Variants in LCE4A observed in about 807,000 individuals in gnomAD.
The protein encoded by LCE4A is late cornified envelope protein 4A.
For synonymous variants in LCE4A, 41 were observed against 42.3 expected, an observed-to-expected ratio of 0.97 and a Z score of 0.12; for missense variants, 110 against 111.3, an observed-to-expected ratio of 0.99 and a Z score of 0.05.
intron 1 of LCE4A, 22 bp downstream of exon 1, chr1:152,708,416 C>T (rs1251608150): frequency 6.6e-6 from 1 of 152,374 alleles, no homozygotes; most frequent in Non-Finnish European, 1.5e-5. Context: ...TATAGGAATC[C>T]AGAGGGGGAC....
chr1:152,708,938 A>G, intron 1 of LCE4A, 117 bp from the exon 2 acceptor site: 1 of 655,136 alleles, frequency 1.5e-6, no homozygotes, highest in Non-Finnish European at 2.7e-6. Flanking sequence ...AGGTTTCTAT[A>G]CATGTCCATA....
chr1:152,708,243 C>G lies in LCE4A; in HGVS notation c.-173C>G, dbSNP rs971561683. 4.6e-5 allele frequency: 7 copies of G among 152,436 alleles called. No individual in the cohort carries two copies. In the South Asian group the frequency reaches 1.4e-3, roughly 32 times the overall value. 9.4% of individuals were successfully genotyped at this position (152,436 alleles called of 1,614,324 possible). A position where few individuals can be genotyped will look rare whatever the true frequency, so the allele number is the denominator to read the frequency against. Reference sequence around the variant, plus strand: ...GGCAGGAGAATGTCAGGCATGACCCCACACTTGTGCAACAGCCACGTCCTG... The same window carrying G: ...GGCAGGAGAATGTCAGGCATGACCCGACACTTGTGCAACAGCCACGTCCTG... On this transcript the variant is annotated 5_prime_UTR_variant, in exon 1 of 2. Coordinates refer to ENST00000368777, the MANE Select transcript of LCE4A (RefSeq NM_001387222.1).
In LCE4A at chr1:152,708,998, A is replaced by T. The variant is rs1406003838; in HGVS notation, c.-21-57A>T. 5.1e-6 allele frequency: 6 copies of T among 1,183,284 alleles called. No individual in the cohort carries two copies. The African/African-American group carries it at 7.7e-5, about 15-fold the overall frequency. The allele number at this position is 1,183,284 out of a possible 1,614,324, so 73.3% of individuals were successfully genotyped here. ...TTGGGGGAGGATTTTAAAATAAAAA[A>T]AAATGTAATGGCTCTTGATATTAAG... On this transcript the variant is annotated intron_variant, in intron 1 of 1. Transcript: ENST00000368777.
At position 152,709,064 on chromosome 1, in the gene LCE4A, A is replaced by C; in HGVS notation, c.-12A>C. 1.2e-6 allele frequency: 2 copies of C among 1,608,028 alleles called. No individual in the cohort carries two copies. The highest frequency in any genetic ancestry group is 1.7e-6 in the Non-Finnish European group (2 of 1,176,300). ...CTATTTTGTCATTCAGGTTTATCGA[A>C]ATCCCACCAAGATGTCCTGCCAGCA... On this transcript the variant is annotated 5_prime_UTR_variant, in exon 2 of 2. Transcript: ENST00000368777.
In LCE4A at chr1:152,709,213, G is replaced by GGGCTGCTGTAGCTCTGGT. The variant is rs1553195948; in HGVS notation, c.143_144insCTGTAGCTCTGGTGGCTG (p.Cys48_Gly49insCysSerSerGlyGlyCys). On this transcript the variant is annotated inframe_insertion, in exon 2 of 2. Coordinates refer to ENST00000368777, the MANE Select transcript of LCE4A (RefSeq NM_001387222.1). Reference sequence around the variant, plus strand: ...CTTCCTGCTGTGGCTCCAGCTCTGGGGGCTGTGGTTGCTGCAGCTCTGAGG... The same window carrying GGGCTGCTGTAGCTCTGGT: ...CTTCCTGCTGTGGCTCCAGCTCTGGGGGCTGCTGTAGCTCTGGTGGCTGTGGTTGCTGCAGCTCTGAGG... 1 of 1,612,934 alleles carries GGGCTGCTGTAGCTCTGGT rather than the reference G, an allele frequency of 6.2e-7. No individual in the cohort carries two copies.
rs746801973 is a variant in LCE4A, at chr1:152,709,327, C to T, written c.252C>T (p.Gly84=). 6.9e-6 allele frequency: 11 copies of T among 1,605,466 alleles called. No homozygotes were observed. In the East Asian group the frequency reaches 1.1e-4, roughly 16 times the overall value. The part of the protein sequence containing the change: ...KSSNCYGSGS[G]QQSGGSGCCS... ...CCAATTGCTATGGCAGTGGCAGTGG[C>T]CAGCAGTCTGGGGGTTCTGGCTGCT... The change falls in exon 2 of 2, where the codon GGC becomes GGT. Residue 84 remains glycine, a synonymous_variant. Transcript: ENST00000368777.
rs1649740540 is a variant in LCE4A, at chr1:152,709,108, GC to G, written c.38del (p.Pro13LeufsTer48). ...SCQQNQQQCQ[P>X]PPKCPIPKYP... is the part of the protein sequence containing the mutation. ...GCCAGCAGAACCAACAGCAGTGCCA[GC>G]CCCCTCCCAAGTGTCCTATCCCCAA... is the stretch of plus-strand genomic sequence containing the variant. On this transcript the variant is annotated frameshift_variant, in exon 2 of 2. Coordinates refer to ENST00000368777, the MANE Select transcript of LCE4A (RefSeq NM_001387222.1). LOFTEE classifies it low-confidence loss of function (END_TRUNC). The G allele has an allele frequency of 6.2e-7, 1 of 1,612,128 alleles. No homozygotes were observed. The highest frequency in any genetic ancestry group is 1.1e-5 in the South Asian group (1 of 90,760).
chr1:152,709,352 T>G lies in LCE4A; in HGVS notation c.277T>G (p.Cys93Gly), dbSNP rs1220176225. The G allele has an allele frequency of 1.9e-6, 3 of 1,598,286 alleles. No individual in the cohort carries two copies. In the South Asian group the frequency reaches 3.4e-5, roughly 18 times the overall value. The change falls in exon 2 of 2, where the codon TGC becomes GGC. Residue 93 changes from cysteine to glycine, a missense_variant. Transcript: ENST00000368777. ...CCAGCAGTCTGGGGGTTCTGGCTGC[T>G]GCTCTGGAGGGGGCTGTTGCTGACC... is the stretch of plus-strand genomic sequence containing the variant. ...SGQQSGGSGCCSGGGCC is the reference protein window; with the variant it reads ...SGQQSGGSGCGSGGGCC
chr1:152,709,130 C>G lies in LCE4A; in HGVS notation c.55C>G (p.Pro19Ala). 1.2e-6 allele frequency: 2 copies of G among 1,613,806 alleles called. No individual in the cohort carries two copies. Residue 19 changes from proline (P) to alanine (A), a missense_variant, in exon 2 of 2, where the codon CCC becomes GCC. Transcript: ENST00000368777. ...QCQPPPKCPI[P>A]KYPPKCPSKC... The stretch of plus-strand genomic sequence containing the variant: ...CCAGCCCCCTCCCAAGTGTCCTATC[C>G]CCAAGTATCCCCCAAAATGTCCCTC...
chr1:152,709,179 C>G lies in LCE4A; in HGVS notation c.104C>G (p.Pro35Arg). ...CPSKCASSCP[P>R]PISSCCGSSS... Reference sequence around the variant, plus strand: ...TCAAAGTGTGCATCCTCATGCCCACCTCCAATCTCTTCCTGCTGTGGCTCC... The same window carrying G: ...TCAAAGTGTGCATCCTCATGCCCACGTCCAATCTCTTCCTGCTGTGGCTCC... The change falls in exon 2 of 2, where the codon CCT becomes CGT. Residue 35 changes from proline to arginine, a missense_variant. Physicochemically the swap from Pro to Arg is moderately radical, Grantham distance 103 (BLOSUM62 -2). Coordinates refer to ENST00000368777, the MANE Select transcript of LCE4A (RefSeq NM_001387222.1). The G allele has an allele frequency of 7.0e-6, 7 of 1,002,814 alleles. No homozygotes were observed. The highest frequency in any genetic ancestry group is 1.0e-5 in the Non-Finnish European group (7 of 683,406). The allele number at this position is 1,002,814 out of a possible 1,614,324, so 62.1% of individuals were successfully genotyped here.
At position 152,709,043 on chromosome 1, in the gene LCE4A, T is replaced by C. The variant is rs1378746932; in HGVS notation, c.-21-12T>C. ...ATTAAGTTTCTGTATATGTTTCTATTTTGTCATTCAGGTTTATCGAAATCC... is the reference window on the plus strand; with the variant it reads ...ATTAAGTTTCTGTATATGTTTCTATCTTGTCATTCAGGTTTATCGAAATCC... On this transcript the variant is annotated splice_polypyrimidine_tract_variant and intron_variant, in intron 1 of 1. Coordinates refer to ENST00000368777, the MANE Select transcript of LCE4A (RefSeq NM_001387222.1). 6.5e-7 allele frequency: 1 copy of C among 1,545,624 alleles called. No homozygotes were observed. Among genetic ancestry groups the C allele is most frequent in the Non-Finnish European group, 8.9e-7 (1 of 1,127,802 alleles).
rs1649735752 is a variant in LCE4A, at chr1:152,709,007, T to C, written c.-21-48T>C. On this transcript the variant is annotated intron_variant, in intron 1 of 1. Transcript: ENST00000368777. ...GATTTTAAAATAAAAAAAAATGTAATGGCTCTTGATATTAAGTTTCTGTAT... is the reference window on the plus strand; with the variant it reads ...GATTTTAAAATAAAAAAAAATGTAACGGCTCTTGATATTAAGTTTCTGTAT... 3.3e-6 allele frequency: 4 copies of C among 1,217,546 alleles called. No individual in the cohort carries two copies. The South Asian group carries it at 4.3e-5, about 13-fold the overall frequency. 75.4% of individuals were successfully genotyped at this position (1,217,546 alleles called of 1,614,324 possible).
rs1413960743 is a variant in LCE4A, at chr1:152,709,141, C to T, written c.66C>T (p.Pro22=). ...CCAAGTGTCCTATCCCCAAGTATCC[C>T]CCAAAATGTCCCTCAAAGTGTGCAT... ...PPPKCPIPKY[P]PKCPSKCASS... is the part of the protein sequence containing the mutation. Residue 22 remains proline (P), a synonymous_variant, in exon 2 of 2, where the codon CCC becomes CCT. Transcript: ENST00000368777. 2 of 1,613,904 alleles carry T rather than the reference C, an allele frequency of 1.2e-6. No individual in the cohort carries two copies. The highest frequency in any genetic ancestry group is 4.5e-5 in the East Asian group (2 of 44,866).
At chr1:152,708,993 A>G in intron 1 of LCE4A, 62 bp from the exon 2 acceptor site, 1 of 1,016,428 alleles carries the variant, frequency 9.8e-7, no homozygotes, top group Non-Finnish European at 1.5e-6. Context: ...ATTTTAAAAT[A>G]AAAAAAAATG....
chr1:152,709,409 G>A lies in LCE4A; in HGVS notation c.*34G>A, dbSNP rs73011196. The A allele has an allele frequency of 1.3e-6, 2 of 1,511,128 alleles. No individual in the cohort carries two copies. The highest frequency in any genetic ancestry group is 1.4e-5 in the African/African-American group (1 of 71,640). The allele number at this position is 1,511,128 out of a possible 1,614,324, so 93.6% of individuals were successfully genotyped here. On this transcript the variant is annotated 3_prime_UTR_variant, in exon 2 of 2. Coordinates refer to ENST00000368777, the MANE Select transcript of LCE4A (RefSeq NM_001387222.1). ...AGGAGCAGCACCAAAGGAATTAGTG[G>A]GCGAAGGACCCATTGCAGCCTGGTG...
intron 1 of LCE4A, 41 bp downstream of exon 1, chr1:152,708,435 G>C (rs1649723976): frequency 6.6e-6 from 1 of 152,570 alleles, no homozygotes; most frequent in African/African-American, 2.4e-5. Context: ...ACGCTAGCGG[G>C]ATGAAGATGG....
chr1:152,709,165 A>G lies in LCE4A; in HGVS notation c.90A>G (p.Ala30=). ...CCCCAAAATGTCCCTCAAAGTGTGC[A>G]TCCTCATGCCCACCTCCAATCTCTT... ...KYPPKCPSKC[A]SSCPPPISSC... The change falls in exon 2 of 2, where the codon GCA becomes GCG. Residue 30 remains alanine (A), a synonymous_variant. Transcript: ENST00000368777. 6.2e-7 allele frequency: 1 copy of G among 1,614,018 alleles called. No homozygotes were observed. Among genetic ancestry groups the G allele is most frequent in the Non-Finnish European group, 8.5e-7 (1 of 1,179,968 alleles).
At chr1:152,708,838 A>C (rs1307485675) in intron 1 of LCE4A, among the ~76,000 whole-genome samples, 2 of 152,164 alleles carry the variant, frequency 1.3e-5, no homozygotes, top group Non-Finnish European at 2.9e-5. Context: ...ATTAGCTCAG[A>C]AGTCACTTAT....
Position 152,709,118 on chromosome 1 carries a change from A to T in LCE4A, c.43A>T (p.Lys15Ter). 3 of 1,613,206 alleles carry T rather than the reference A, an allele frequency of 1.9e-6. No individual in the cohort carries two copies. Among genetic ancestry groups the T allele is most frequent in the Non-Finnish European group, 2.5e-6 (3 of 1,179,594 alleles). ...CCAACAGCAGTGCCAGCCCCCTCCC[A>T]AGTGTCCTATCCCCAAGTATCCCCC... ...QNQQQCQPPP[K>*]CPIPKYPPKC... is the part of the protein sequence containing the mutation. The change falls in exon 2 of 2, where the codon AAG (lysine) becomes TAG (stop). Residue 15 changes from lysine (K) to a stop codon, truncating the protein, a stop_gained. Coordinates refer to ENST00000368777, the MANE Select transcript of LCE4A (RefSeq NM_001387222.1). LOFTEE classifies it low-confidence loss of function (END_TRUNC).
Sources: allele counts gnomAD v4.1 joint callset (sites outside exome capture counted in the v4.1 genomes callset), GRCh38; gene constraint gnomAD v4.1.1; transcripts MANE v1.5; gene names NCBI Gene and HGNC (gene_info 2026-07-23, HGNC 2026-07-21).